Variants in LRIT3 observed in about 807,000 individuals in gnomAD.
LRIT3 encodes the protein leucine rich repeat, Ig-like and transmembrane domains 3.
Under a neutral mutation model 22.6 loss-of-function variants are expected in LRIT3, and 14 were observed. The ratio of observed to expected loss-of-function variants is 0.62; its 90% confidence interval spans 0.41 to 0.97. The LOEUF is 0.97. Ranked by LOEUF, LRIT3 falls within the 50% of genes least tolerant of loss-of-function variation. The pLI, the probability that LRIT3 is intolerant of heterozygous loss-of-function variation, is 0.00. For missense variants in LRIT3, 783 were observed against 803.0 expected (o/e 0.98, Z 0.30); for synonymous variants, 306 against 304.5 (o/e 1.01, Z -0.05).
intron 2 of LRIT3, among the ~76,000 whole-genome samples, chr4:109,864,129 A>C (rs1396223596): frequency 1.3e-5 from 2 of 152,172 alleles, no homozygotes; most frequent in Non-Finnish European, 2.9e-5. Flanking sequence ...TTTATATATA[A>C]ATTTTGACAC....
intron 2 of LRIT3, among the ~76,000 whole-genome samples, chr4:109,852,435 T>G (rs571967367): frequency 6.6e-6 from 1 of 152,330 alleles, no homozygotes; most frequent in Middle Eastern, 3.4e-3. Context: ...TTAGGAAGAA[T>G]AGCTTCTAAA....
rs538101562 is a variant in LRIT3 at position 109,867,784 on chromosome 4, C to T, written c.733C>T (p.Arg245Trp). 1.4e-4 allele frequency: 230 copies of T among 1,614,152 alleles called. 1 individual carries two copies. The South Asian group carries it at 2.2e-3, about 15-fold the overall frequency. Reference protein sequence around the residue: ...PERLTGILFQRAELEHCLKPS... With the variant: ...PERLTGILFQWAELEHCLKPS... The stretch of plus-strand genomic sequence containing the variant: ...GCGCCTCACAGGAATTTTGTTTCAG[C>T]GGGCTGAATTGGAGCATTGTCTGAA... Residue 245 changes from arginine to tryptophan, a missense_variant, in exon 3 of 4, where the codon CGG (arginine) becomes TGG (tryptophan). By Grantham distance (101) the Arg-to-Trp change is moderately radical (BLOSUM62 -3). Coordinates refer to ENST00000594814, the MANE Select transcript of LRIT3 (RefSeq NM_198506.5).
At chr4:109,860,329 A>G (rs1734505399) in intron 2 of LRIT3, among the ~76,000 whole-genome samples, 1 of 152,156 alleles carries the variant, frequency 6.6e-6, no homozygotes, top group African/African-American at 2.4e-5. Context: ...TAGTATTTCC[A>G]GACTTTTCTA....
In LRIT3 at chr4:109,870,819, C is replaced by T; in HGVS notation, c.*30C>T. On this transcript the variant is annotated 3_prime_UTR_variant, in exon 4 of 4. Transcript: ENST00000594814. ...CTGCAGCTCAGGTGCATGTGAGCTA[C>T]AAAACTAGCATCTAAGGGTATAATT... is the stretch of plus-strand genomic sequence containing the variant. 6.5e-7 allele frequency: 1 copy of T among 1,541,626 alleles called. No homozygotes were observed. The highest frequency in any genetic ancestry group is 8.7e-7 in the Non-Finnish European group (1 of 1,144,226).
Position 109,870,592 on chromosome 4 carries a change from C to A in LRIT3, c.1843C>A (p.Pro615Thr), listed in dbSNP as rs760824350. The change falls in exon 4 of 4, where the codon CCT becomes ACT. Residue 615 changes from proline (P) to threonine (T), a missense_variant. Physicochemically the swap from Pro to Thr is conservative, Grantham distance 38. Coordinates refer to ENST00000594814, the MANE Select transcript of LRIT3 (RefSeq NM_198506.5). ...TTGCAAACTGCAATGTAAATCAGAA[C>A]CTTTTTGGGAAGATGATTTGGCAAA... Reference protein sequence around the residue: ...KVCKLQCKSEPFWEDDLAKET... With the variant: ...KVCKLQCKSETFWEDDLAKET... The A allele has an allele frequency of 8.7e-6, 14 of 1,613,678 alleles. No individual in the cohort carries two copies. The South Asian group carries it at 1.4e-4, about 16-fold the overall frequency.
At chr4:109,866,387 G>T (rs1236859152) in intron 2 of LRIT3, among the ~76,000 whole-genome samples, 2 of 152,128 alleles carry the variant, frequency 1.3e-5, no homozygotes, top group Non-Finnish European at 2.9e-5. Flanking sequence ...CTCCATCTTA[G>T]ATCCTTCTGA....
chr4:109,849,596 T>A (rs1016243411), intron 1 of LRIT3, among the ~76,000 whole-genome samples: 2 of 152,064 alleles, frequency 1.3e-5, no homozygotes, highest in African/African-American at 4.8e-5. Flanking sequence ...TATGATAGCA[T>A]GCTGAGATAC....
chr4:109,865,423 A>C, intron 2 of LRIT3: 1 of 835,806 alleles, frequency 1.2e-6, no homozygotes, highest in Admixed American at 2.3e-5. Flanking sequence ...AATGTCTATG[A>C]ACTGACTACA....
At chr4:109,869,391 TC>T (rs1350035445) in intron 3 of LRIT3, among the ~76,000 whole-genome samples, 1 of 152,348 alleles carries the variant, frequency 6.6e-6, no homozygotes, top group South Asian at 2.1e-4. Flanking sequence ...AACCCAAGTG[TC>T]CTGATTCCCA....
At chr4:109,863,228 A>G (rs1166568274) in intron 2 of LRIT3, among the ~76,000 whole-genome samples, 6 of 152,188 alleles carry the variant, frequency 3.9e-5, no homozygotes, top group African/African-American at 1.2e-4. Context: ...TAGAAGGCAT[A>G]ACATGGCGGT....
chr4:109,860,449 G>A (rs1734508082), intron 2 of LRIT3, among the ~76,000 whole-genome samples: 1 of 152,016 alleles, frequency 6.6e-6, no homozygotes, highest in South Asian at 2.1e-4. Context: ...TGCCTTGCTG[G>A]GTGCTCTAAT....
chr4:109,863,747 T>C lies in LRIT3; in HGVS notation c.590-3894T>C, dbSNP rs144309770. 5.6e-4 allele frequency among the ~76,000 whole-genome samples: 86 copies of C among 152,274 alleles called. 1 individual carries two copies. Among genetic ancestry groups the C allele is most frequent in the African/African-American group, 2.0e-3 (83 of 41,552 alleles). The stretch of plus-strand genomic sequence containing the variant: ...TCTTCTACCAACATCCATAAAACGA[T>C]GGCAGGCAAACTTGCCCATATCTGA... On this transcript the variant is annotated intron_variant, in intron 2 of 3. Coordinates refer to ENST00000594814, the MANE Select transcript of LRIT3 (RefSeq NM_198506.5).
chr4:109,858,110 G>A (rs1251518810), intron 2 of LRIT3, among the ~76,000 whole-genome samples: 1 of 152,110 alleles, frequency 6.6e-6, no homozygotes, highest in Non-Finnish European at 1.5e-5. Flanking sequence ...GCAGGACAAC[G>A]ATCATCTACA....
At chr4:109,859,999 A>T (rs1384714212) in intron 2 of LRIT3, among the ~76,000 whole-genome samples, 2 of 152,192 alleles carry the variant, frequency 1.3e-5, no homozygotes, top group Admixed American at 1.3e-4. Flanking sequence ...AACTTAGTAA[A>T]ATTGTCCTTT....
chr4:109,849,147 T>C (rs1002462680), intron 1 of LRIT3, among the ~76,000 whole-genome samples: 3 of 152,224 alleles, frequency 2.0e-5, no homozygotes, highest in Non-Finnish European at 4.4e-5. Context: ...CTTATAACTT[T>C]AAACAAATAA....
intron 2 of LRIT3, among the ~76,000 whole-genome samples, chr4:109,866,992 C>T (rs1485365252): frequency 6.6e-6 from 1 of 152,190 alleles, no homozygotes; most frequent in Non-Finnish European, 1.5e-5. Context: ...CTAGACTTCT[C>T]TACTGCCATT....
chr4:109,854,947 T>C (rs1279738511), intron 2 of LRIT3, among the ~76,000 whole-genome samples: 1 of 152,182 alleles, frequency 6.6e-6, no homozygotes, highest in African/African-American at 2.4e-5. Flanking sequence ...GATAAGCTTT[T>C]TGATGTGCTG....
At position 109,851,499 on chromosome 4, in the gene LRIT3, A is replaced by G; in HGVS notation, c.117-5A>G. The G allele has an allele frequency of 6.6e-7, 1 of 1,516,840 alleles. No individual in the cohort carries two copies. Among genetic ancestry groups the G allele is most frequent in the Admixed American group, 2.2e-5 (1 of 46,204 alleles). 94.0% of individuals were successfully genotyped at this position (1,516,840 alleles called of 1,614,324 possible). A position where few individuals can be genotyped will look rare whatever the true frequency, so the allele number is the denominator to read the frequency against. Reference sequence around the variant, plus strand: ...TTCCTCACATTGTTCATGTTGTGACACTAGGTTGGTGCTATGTAATGACAT... The same window carrying G: ...TTCCTCACATTGTTCATGTTGTGACGCTAGGTTGGTGCTATGTAATGACAT... On this transcript the variant is annotated splice_region_variant and splice_polypyrimidine_tract_variant and intron_variant, in intron 1 of 3. Transcript: ENST00000594814.
chr4:109,865,235 A>C lies in LRIT3; in HGVS notation c.590-2406A>C, dbSNP rs757060029. On this transcript the variant is annotated intron_variant, in intron 2 of 3. Coordinates refer to ENST00000594814, the MANE Select transcript of LRIT3 (RefSeq NM_198506.5). ...CATCACCCAGGTCACAGAATTAACTAATGGTTGAGCCTCATCAGGAACCCA... is the reference window on the plus strand; with the variant it reads ...CATCACCCAGGTCACAGAATTAACTCATGGTTGAGCCTCATCAGGAACCCA... 5.0e-5 allele frequency: 77 copies of C among 1,546,360 alleles called. 1 individual carries two copies. In the Admixed American group the frequency reaches 1.4e-3, roughly 28 times the overall value.
Sources: allele counts gnomAD v4.1 joint callset (sites outside exome capture counted in the v4.1 genomes callset), GRCh38; gene constraint gnomAD v4.1.1; transcripts MANE v1.5; gene names NCBI Gene and HGNC (gene_info 2026-07-23, HGNC 2026-07-21).